The following DMD variants were observed in gnomAD, a reference collection of about 807,000 sequenced individuals.
DMD encodes mutant dystrophin.
In DMD, 63 loss-of-function variants were observed where a neutral mutation model predicts 330.1. That is an observed-to-expected ratio of 0.19 (90% CI 0.16 to 0.24). The LOEUF is 0.24. Among genes scored for constraint, DMD ranks in the 10% least tolerant of loss-of-function variants. DMD has a pLI of 1.00. For missense variants in DMD, 3,344 were observed against 2,684.1 expected (o/e 1.25, Z -5.43); for synonymous variants, 1,223 against 959.8 (o/e 1.27, Z -5.07).
At chrX:32,841,517 C>T (rs192284777) in intron 4 of DMD, among the ~76,000 whole-genome samples, 135 of 111,703 alleles carry the variant, frequency 1.2e-3, no homozygotes, top group Non-Finnish European at 1.1e-3. Context: ...GAGAACAATG[C>T]AAGAGAATTG....
At chrX:32,311,817 G>A (rs778153006) in intron 41 of DMD, among the ~76,000 whole-genome samples, 113 of 111,733 alleles carry the variant, frequency 1.0e-3, no homozygotes, top group Non-Finnish European at 1.6e-3. Flanking sequence ...ATTTGAATGT[G>A]AAATTTTCAC....
At chrX:31,583,660 C>T (rs757008011) in intron 55 of DMD, among the ~76,000 whole-genome samples, 3 of 109,624 alleles carry the variant, frequency 2.7e-5, no homozygotes, top group Admixed American at 9.8e-5. Flanking sequence ...TTTTAAGTTC[C>T]GTGGTACATG....
At chrX:31,710,279 T>C (rs972454459) in intron 52 of DMD, among the ~76,000 whole-genome samples, 1 of 111,769 alleles carries the variant, frequency 8.9e-6, no homozygotes, top group African/African-American at 3.3e-5. Context: ...TATATTGTTC[T>C]GTGACAGATA....
intron 11 of DMD, among the ~76,000 whole-genome samples, chrX:32,615,352 C>A (rs1569313012): frequency 9.0e-6 from 1 of 111,173 alleles, no homozygotes; most frequent in Non-Finnish European, 1.9e-5. Context: ...GCTCTACAAC[C>A]AGGTTCTTAA....
intron 1 of DMD, among the ~76,000 whole-genome samples, chrX:33,222,136 A>T (rs758820586): frequency 4.5e-4 from 50 of 111,964 alleles, no homozygotes; most frequent in Non-Finnish European, 8.7e-4. Flanking sequence ...TATTCCTTAC[A>T]AATATTAATG....
intron 60 of DMD, among the ~76,000 whole-genome samples, chrX:31,400,270 C>A (rs186995339): frequency 1.8e-5 from 2 of 111,580 alleles, no homozygotes; most frequent in African/African-American, 6.5e-5. Context: ...TTTGGAAAGG[C>A]GAATCAGATA....
intron 44 of DMD, 35 bp from the exon 45 acceptor site, chrX:31,968,549 G>T: frequency 3.4e-6 from 4 of 1,184,481 alleles, no homozygotes; most frequent in Non-Finnish European, 4.6e-6. Flanking sequence ...CAAAAATGAA[G>T]CCCCATGTCT....
chrX:32,372,673 AC>A (rs917340330), intron 34 of DMD, among the ~76,000 whole-genome samples: 6 of 111,335 alleles, frequency 5.4e-5, no homozygotes, highest in African/African-American at 2.0e-4. Context: ...CATTAATTTT[AC>A]CCTCTTTAAT....
At chrX:32,902,970 A>T (rs1477013687) in intron 2 of DMD, among the ~76,000 whole-genome samples, 2 of 107,927 alleles carry the variant, frequency 1.9e-5, no homozygotes, top group Non-Finnish European at 3.8e-5. Flanking sequence ...CAGCCTGGCC[A>T]ACATGATGAA....
intron 18 of DMD, among the ~76,000 whole-genome samples, chrX:32,508,116 G>A (rs1016876524): frequency 1.8e-5 from 2 of 110,625 alleles, no homozygotes; most frequent in Non-Finnish European, 3.8e-5. Flanking sequence ...AAGGAATGCC[G>A]GGTCACTCAG....
chrX:32,709,863 C>T (rs1172276059), intron 7 of DMD, among the ~76,000 whole-genome samples: 2 of 111,439 alleles, frequency 1.8e-5, no homozygotes, highest in Non-Finnish European at 3.8e-5. Context: ...AAGGCAGGAA[C>T]TTCCTTTAGA....
chrX:32,721,618 T>C (rs996517845), intron 7 of DMD, among the ~76,000 whole-genome samples: 1 of 111,249 alleles, frequency 9.0e-6, no homozygotes, highest in East Asian at 2.8e-4. Flanking sequence ...TTATCAGATA[T>C]ATGTTTTGCA....
intron 62 of DMD, among the ~76,000 whole-genome samples, chrX:31,293,426 C>T (rs751898910): frequency 9.0e-6 from 1 of 111,080 alleles, no homozygotes; most frequent in Non-Finnish European, 1.9e-5. Context: ...AAAACGCCCT[C>T]GAAAACAATG....
intron 18 of DMD, among the ~76,000 whole-genome samples, chrX:32,508,757 G>A (rs1351880685): frequency 3.6e-5 from 4 of 111,694 alleles, no homozygotes; most frequent in Admixed American, 1.9e-4. Flanking sequence ...TGAAATATGT[G>A]CTCATTCTAC....
intron 41 of DMD, among the ~76,000 whole-genome samples, chrX:32,335,208 CTTTT>C (rs72077168): frequency 0.026 from 2,855 of 108,340 alleles, 92 homozygotes; most frequent in African/African-American, 0.09. Flanking sequence ...TTAAGGACTA[CTTTT>C]TTTTCTTGAG....
intron 11 of DMD, among the ~76,000 whole-genome samples, chrX:32,627,074 G>T (rs2058390381): frequency 9.7e-6 from 1 of 103,108 alleles, no homozygotes; most frequent in Non-Finnish European, 1.9e-5. Flanking sequence ...CCCAGGTATT[G>T]GTTCTGTAAA....
At chrX:33,168,811 C>T (rs1329674340) in intron 1 of DMD, among the ~76,000 whole-genome samples, 6 of 109,290 alleles carry the variant, frequency 5.5e-5, no homozygotes, top group Non-Finnish European at 7.7e-5. Context: ...AAAGAGAAGG[C>T]GTAAAGGATA....
chrX:33,056,271 T>C (rs4396041), intron 1 of DMD, among the ~76,000 whole-genome samples: 53,926 of 108,903 alleles, frequency 0.5, 10,277 homozygotes, highest in East Asian at 0.78. Context: ...CCTCTTCCTC[T>C]TTTCTCACAT....
At position 31,972,078 on chromosome X, in the gene DMD, G is replaced by A. The variant is rs1315023778; in HGVS notation, c.6439-3564C>T. On this transcript the variant is annotated intron_variant, in intron 44 of 78. Transcript: ENST00000357033. ...ATTCCATTCTAAGTCTACTGAATCA[G>A]AATTTCTGGGGACAAAGGTATATGA... 1.8e-5 allele frequency among the ~76,000 whole-genome samples: 2 copies of A among 111,377 alleles called. 1 individual carries two copies. The highest frequency in any genetic ancestry group is 6.5e-5 in the African/African-American group (2 of 30,727).
Sources: allele counts gnomAD v4.1 joint callset (sites outside exome capture counted in the v4.1 genomes callset), GRCh38; gene constraint gnomAD v4.1.1; transcripts MANE v1.5; gene names NCBI Gene and HGNC (gene_info 2026-07-23, HGNC 2026-07-21).